The following PACRG variants were observed in gnomAD, a reference collection of about 807,000 sequenced individuals.
PACRG encodes parkin coregulated gene protein.
In PACRG, 29 loss-of-function variants were observed where a neutral mutation model predicts 29.7. The ratio of observed to expected loss-of-function variants is 0.98; its 90% CI spans 0.73 to 1.33. PACRG has a LOEUF of 1.33. Among genes scored for constraint, PACRG ranks in the 40% most tolerant of loss-of-function variants. PACRG has a pLI of 0.00. For synonymous variants in PACRG, 116 were observed against 118.7 expected (o/e 0.98, Z 0.15); for missense variants, 279 against 316.2 (o/e 0.88, Z 0.89).
At chr6:162,960,247 C>T (rs1800497905) in intron 2 of PACRG, among the ~76,000 whole-genome samples, 2 of 152,220 alleles carry the variant, frequency 1.3e-5, no homozygotes, top group South Asian at 4.1e-4. Flanking sequence ...CCAACAATCC[C>T]ATTACTGGGT....
At chr6:163,310,437 G>T (rs1013214953) in intron 4 of PACRG, 1 of 152,200 alleles carries the variant, frequency 6.6e-6, no homozygotes, top group African/African-American at 2.4e-5. Flanking sequence ...AAGCTCCCGG[G>T]GGTCTTTTTT....
intron 2 of PACRG, among the ~76,000 whole-genome samples, chr6:162,875,622 A>G (rs1345291649): frequency 1.3e-5 from 2 of 152,242 alleles, no homozygotes; most frequent in Non-Finnish European, 1.5e-5. Context: ...CATAGGTTGT[A>G]CATTAACCAC....
At chr6:162,877,200 G>A (rs1001152482) in intron 2 of PACRG, among the ~76,000 whole-genome samples, 2 of 152,102 alleles carry the variant, frequency 1.3e-5, no homozygotes, top group Admixed American at 6.5e-5. Context: ...GCCCATCAGC[G>A]ATAGACTAGA....
chr6:163,121,663 CTTTT>C (rs771976364), intron 4 of PACRG, among the ~76,000 whole-genome samples: 3 of 126,220 alleles, frequency 2.4e-5, no homozygotes, highest in Non-Finnish European at 1.7e-5. Context: ...TCTCGGTAAT[CTTTT>C]TTTTTTTTTT....
At chr6:163,242,351 C>G (rs987066584) in intron 4 of PACRG, among the ~76,000 whole-genome samples, 6 of 152,190 alleles carry the variant, frequency 3.9e-5, no homozygotes, top group Admixed American at 3.9e-4. Flanking sequence ...GTGTATGTAA[C>G]AAATGCAAAT....
chr6:163,202,731 CA>C lies in PACRG; in HGVS notation c.614-112088del, dbSNP rs371349391. On this transcript the variant is annotated intron_variant, in intron 4 of 4. Coordinates refer to ENST00000366888, the MANE Select transcript of PACRG (RefSeq NM_001080379.2). ...TGCAATTTATCTAAGCAATCCATACCAAAAAAAAGTAATAAATATGCAATTT... is the reference window on the plus strand; with the variant it reads ...TGCAATTTATCTAAGCAATCCATACCAAAAAAAGTAATAAATATGCAATTT... Among the ~76,000 whole-genome samples, 477 of 151,620 alleles carry C rather than the reference CA, an allele frequency of 3.1e-3. 3 individuals are homozygous for C. The highest frequency in any genetic ancestry group is 0.011 in the African/African-American group (458 of 41,356).
intron 2 of PACRG, among the ~76,000 whole-genome samples, chr6:163,021,810 C>A (rs1398470794): frequency 2.0e-5 from 3 of 152,182 alleles, no homozygotes; most frequent in African/African-American, 4.8e-5. Flanking sequence ...CCTGGGATGC[C>A]CTTCCTGCCT....
chr6:162,832,404 A>G (rs905618500), intron 2 of PACRG, among the ~76,000 whole-genome samples: 3 of 152,116 alleles, frequency 2.0e-5, no homozygotes, highest in African/African-American at 4.8e-5. Context: ...ATTATTTTTC[A>G]TGAAATCTAA....
intron 2 of PACRG, among the ~76,000 whole-genome samples, chr6:162,974,356 C>G (rs749403020): frequency 3.3e-5 from 5 of 152,170 alleles, no homozygotes; most frequent in African/African-American, 4.8e-5. Flanking sequence ...GGGCAAAATA[C>G]AGCAATGTAT....
chr6:162,891,415 C>A (rs1794750338), intron 2 of PACRG, among the ~76,000 whole-genome samples: 1 of 152,084 alleles, frequency 6.6e-6, no homozygotes. Context: ...CAGTGGGACC[C>A]ACAATTCATA....
At chr6:163,053,639 A>G (rs192557117) in intron 2 of PACRG, among the ~76,000 whole-genome samples, 1 of 152,330 alleles carries the variant, frequency 6.6e-6, no homozygotes, top group East Asian at 1.9e-4. Context: ...AAATTTCTGA[A>G]ATGTAAATAA....
chr6:162,897,735 C>T lies in PACRG; in HGVS notation c.291+83454C>T, dbSNP rs190045468. Among the ~76,000 whole-genome samples, 26 of 152,296 alleles carry T rather than the reference C, an allele frequency of 1.7e-4. No homozygotes were observed. The East Asian group carries it at 2.5e-3, about 15-fold the overall frequency. ...GTTATCAGGGAATTTCTTCATTTCACGCTGAGCACCAGTGCTGTATTAGTG... is the reference window on the plus strand; with the variant it reads ...GTTATCAGGGAATTTCTTCATTTCATGCTGAGCACCAGTGCTGTATTAGTG... On this transcript the variant is annotated intron_variant, in intron 2 of 4. Coordinates refer to ENST00000366888, the MANE Select transcript of PACRG (RefSeq NM_001080379.2).
intron 2 of PACRG, among the ~76,000 whole-genome samples, chr6:162,943,136 A>G (rs745451216): frequency 1.0e-3 from 152 of 152,304 alleles, no homozygotes; most frequent in Admixed American, 1.8e-3. Flanking sequence ...AAACTCTGTG[A>G]CCGCATTGCT....
chr6:162,795,337 A>G (rs1785286961), intron 1 of PACRG, among the ~76,000 whole-genome samples: 1 of 152,248 alleles, frequency 6.6e-6, no homozygotes, highest in South Asian at 2.1e-4. Context: ...GCCTGTTGGA[A>G]CTAATTCTGT....
intron 4 of PACRG, among the ~76,000 whole-genome samples, chr6:163,251,981 G>A (rs1405825149): frequency 6.6e-6 from 1 of 152,204 alleles, no homozygotes; most frequent in African/African-American, 2.4e-5. Flanking sequence ...GAAGGTTGAA[G>A]GAGACAAGGC....
In PACRG at chr6:163,055,564, G is replaced by T. The variant is rs1366333920; in HGVS notation, c.292-6586G>T. On this transcript the variant is annotated intron_variant, in intron 2 of 4. Coordinates refer to ENST00000366888, the MANE Select transcript of PACRG (RefSeq NM_001080379.2). This position sits in a 1 kb window ranked among gnomAD's most constrained non-coding sequence, Gnocchi z 4.0. ...CATACAAAAAATCATCCTGTAGGAA[G>T]TAGAACTGTATCTACTGTGTTAAAA... Among the ~76,000 whole-genome samples, 1 of 152,194 alleles carries T rather than the reference G, an allele frequency of 6.6e-6. No individual in the cohort carries two copies.
At chr6:162,875,207 TCA>T (rs939269046) in intron 2 of PACRG, among the ~76,000 whole-genome samples, 32 of 138,844 alleles carry the variant, frequency 2.3e-4, no homozygotes, top group East Asian at 1.0e-3. Context: ...CCACGCACAT[TCA>T]CACACACACA....
chr6:163,059,861 T>C (rs1466080489), intron 2 of PACRG, among the ~76,000 whole-genome samples: 1 of 152,174 alleles, frequency 6.6e-6, no homozygotes, highest in East Asian at 1.9e-4. Flanking sequence ...ATTAGTATTA[T>C]TGCCCCAAAA....
At chr6:162,841,394 T>C (rs940362787) in intron 2 of PACRG, among the ~76,000 whole-genome samples, 1 of 152,104 alleles carries the variant, frequency 6.6e-6, no homozygotes, top group Non-Finnish European at 1.5e-5. Flanking sequence ...GAGGTGTTTG[T>C]AGTATTCTCT....
Sources: allele counts gnomAD v4.1 joint callset (sites outside exome capture counted in the v4.1 genomes callset), GRCh38; gene constraint gnomAD v4.1.1; non-coding constraint Gnocchi (gnomAD v3.1); transcripts MANE v1.5; gene names NCBI Gene and HGNC (gene_info 2026-07-23, HGNC 2026-07-21).